Variants in RAG1 observed in about 807,000 individuals in gnomAD.
RAG1 encodes the protein V(D)J recombination-activating protein 1.
A neutral mutation model predicts 62.7 loss-of-function variants in RAG1; 35 were observed. The observed-to-expected ratio is 0.56, with a 90% CI of 0.43 to 0.74. The LOEUF (loss-of-function observed/expected upper bound fraction) is 0.74, where lower values mean the gene tolerates loss of function less well. Among genes scored for constraint, RAG1 ranks in the 30% least tolerant of loss-of-function variants. The pLI is 0.00. For missense variants in RAG1, 1,169 were observed against 1,278.6 expected (o/e 0.91, Z 1.31); for synonymous variants, 461 against 470.3 (o/e 0.98, Z 0.26).
intron 1 of RAG1, among the ~76,000 whole-genome samples, chr11:36,571,542 C>T (rs1356142112): frequency 6.6e-6 from 1 of 152,172 alleles, no homozygotes; most frequent in African/African-American, 2.4e-5. Context: ...CATAGTCCTG[C>T]ATAGGGAACA....
rs750032999 is a variant in RAG1, at chr11:36,573,497, G to A, written c.193G>A (p.Val65Ile). The A allele has an allele frequency of 6.2e-7, 1 of 1,614,210 alleles. No individual in the cohort carries two copies. The highest frequency in any genetic ancestry group is 8.5e-7 in the Non-Finnish European group (1 of 1,180,038). ...GKPSLEQSPAVLDKADGQKPV... is the reference protein window; with the variant it reads ...GKPSLEQSPAILDKADGQKPV... ...ACCCTCTCTGGAGCAATCTCCAGCAGTCCTGGACAAGGCTGATGGTCAGAA... is the reference window on the plus strand; with the variant it reads ...ACCCTCTCTGGAGCAATCTCCAGCAATCCTGGACAAGGCTGATGGTCAGAA... The change falls in exon 2 of 2, where the codon GTC (valine) becomes ATC (isoleucine). Residue 65 changes from valine (V) to isoleucine (I), a missense_variant. Physicochemically the swap from Val to Ile is conservative, Grantham distance 29. Transcript: ENST00000299440.
intron 1 of RAG1, among the ~76,000 whole-genome samples, chr11:36,572,955 G>A (rs1040594350): frequency 3.3e-5 from 5 of 152,108 alleles, no homozygotes; most frequent in African/African-American, 7.2e-5. Context: ...TAACTATTGA[G>A]CACCTAATGT....
Position 36,574,758 on chromosome 11 carries a change from A to G in RAG1, c.1454A>G (p.His485Arg). The change falls in exon 2 of 2, where the codon CAC becomes CGC. Residue 485 changes from histidine to arginine, a missense_variant. By Grantham distance (29) the His-to-Arg change is conservative. This residue lies in a region of RAG1 where 800 missense variants were observed against 943.3 expected (regional missense o/e 0.85). Coordinates refer to ENST00000299440, the MANE Select transcript of RAG1 (RefSeq NM_000448.3). ...VNTFLSCSQY[H>R]KMYRTVKAIT... ...ACCTTCCTCAGCTGCAGTCAGTACCACAAGATGTACAGGACTGTGAAAGCC... is the reference window on the plus strand; with the variant it reads ...ACCTTCCTCAGCTGCAGTCAGTACCGCAAGATGTACAGGACTGTGAAAGCC... 6.2e-7 allele frequency: 1 copy of G among 1,614,234 alleles called. No homozygotes were observed. The highest frequency in any genetic ancestry group is 2.2e-5 in the East Asian group (1 of 44,884).
Position 36,576,493 on chromosome 11 carries a change from T to C in RAG1, c.*57T>C. The C allele has an allele frequency of 6.3e-7, 1 of 1,593,798 alleles. No individual in the cohort carries two copies. The highest frequency in any genetic ancestry group is 8.6e-7 in the Non-Finnish European group (1 of 1,162,642). On this transcript the variant is annotated 3_prime_UTR_variant, in exon 2 of 2. Transcript: ENST00000299440. ...AATTGAGTTTCCCTCTGGGTTGCAT[T>C]GAGGGCTTCTCCTAGCACCCTTTAC... is the stretch of plus-strand genomic sequence containing the variant.
At chr11:36,532,016 A>T (rs1220090224) in intron 2 of RAG1, among the ~76,000 whole-genome samples, 1 of 152,074 alleles carries the variant, frequency 6.6e-6, no homozygotes, top group Non-Finnish European at 1.5e-5. Flanking sequence ...ATCTCTCAGG[A>T]AAGTAATGTG....
upstream of RAG1, among the ~76,000 whole-genome samples, chr11:36,565,313 G>A (rs748450843): frequency 6.6e-6 from 1 of 152,174 alleles, no homozygotes; most frequent in Admixed American, 6.5e-5. Context: ...AATTTGAAAA[G>A]GTCTCTTAAA....
At chr11:36,522,426 G>A (rs1860094536) in intron 2 of RAG1, among the ~76,000 whole-genome samples, 1 of 152,240 alleles carries the variant, frequency 6.6e-6, no homozygotes, top group South Asian at 2.1e-4. Flanking sequence ...GTGCCCAGAA[G>A]TCAAGAATTG....
Position 36,575,145 on chromosome 11 carries a change from G to A in RAG1, c.1841G>A (p.Ser614Asn), listed in dbSNP as rs1470364709. 3.7e-6 allele frequency: 6 copies of A among 1,614,058 alleles called. No individual in the cohort carries two copies. Among genetic ancestry groups the A allele is most frequent in the Non-Finnish European group, 2.5e-6 (3 of 1,180,032 alleles). Reference protein sequence around the residue: ...GMGDVSEKHGSGPVVPEKAVR... With the variant: ...GMGDVSEKHGNGPVVPEKAVR... ...GGAGACGTGAGTGAGAAGCATGGGAGTGGGCCTGTAGTTCCAGAAAAGGCA... is the reference window on the plus strand; with the variant it reads ...GGAGACGTGAGTGAGAAGCATGGGAATGGGCCTGTAGTTCCAGAAAAGGCA... The change falls in exon 2 of 2, where the codon AGT (serine) becomes AAT (asparagine). Residue 614 changes from serine to asparagine, a missense_variant. Transcript: ENST00000299440. The surrounding 1 kb of genome is among the most constrained non-coding windows in gnomAD (Gnocchi z 4.1).
chr11:36,535,654 G>T (rs919795590), intron 2 of RAG1, among the ~76,000 whole-genome samples: 1 of 152,110 alleles, frequency 6.6e-6, no homozygotes, highest in African/African-American at 2.4e-5. Context: ...TGAGGCAGAA[G>T]AATTCACTTG....
chr11:36,518,440 A>G (rs1357600133), intron 1 of RAG1, among the ~76,000 whole-genome samples: 4 of 152,218 alleles, frequency 2.6e-5, no homozygotes, highest in Non-Finnish European at 5.9e-5. Flanking sequence ...TAGTTGAACT[A>G]GTTTACATTC....
At chr11:36,525,953 A>C (rs1197752131) in intron 2 of RAG1, among the ~76,000 whole-genome samples, 2 of 152,186 alleles carry the variant, frequency 1.3e-5, no homozygotes, top group Non-Finnish European at 2.9e-5. Context: ...GAACACTGTA[A>C]TTGTGACTTT....
At chr11:36,568,616 A>G (rs970107295) in intron 1 of RAG1, among the ~76,000 whole-genome samples, 21 of 152,230 alleles carry the variant, frequency 1.4e-4, no homozygotes, top group African/African-American at 5.1e-4. Flanking sequence ...ATGTTTAAAA[A>G]TGCAATTTCT....
chr11:36,536,331 G>C (rs1385795534), downstream of RAG1, among the ~76,000 whole-genome samples: 1 of 152,100 alleles, frequency 6.6e-6, no homozygotes, highest in Non-Finnish European at 1.5e-5. Context: ...CAACAAATGG[G>C]CTGGATCTTA....
chr11:36,569,359 C>T (rs969831752), intron 1 of RAG1, among the ~76,000 whole-genome samples: 6 of 152,160 alleles, frequency 3.9e-5, no homozygotes, highest in Non-Finnish European at 5.9e-5. Context: ...TTTGAGATCC[C>T]GAGGCTGGTC....
intron 3 of RAG1, among the ~76,000 whole-genome samples, chr11:36,548,993 G>C (rs192853082): frequency 2.0e-5 from 3 of 152,218 alleles, no homozygotes; most frequent in Non-Finnish European, 4.4e-5. Flanking sequence ...TCTGATCTTT[G>C]ACAAACCTGA....
At chr11:36,549,091 C>T (rs367992440) in intron 3 of RAG1, among the ~76,000 whole-genome samples, 20 of 152,208 alleles carry the variant, frequency 1.3e-4, no homozygotes, top group African/African-American at 4.3e-4. Context: ...TGAAACTGGA[C>T]CCCTTCCTTA....
rs763838960 is a variant in RAG1, at chr11:36,575,793, A to C, written c.2489A>C (p.Lys830Thr). Residue 830 changes from lysine to threonine, a missense_variant, in exon 2 of 2, where the codon AAA becomes ACA. Coordinates refer to ENST00000299440, the MANE Select transcript of RAG1 (RefSeq NM_000448.3). This position sits in a 1 kb window ranked among gnomAD's most constrained non-coding sequence, Gnocchi z 4.1. Reference protein sequence around the residue: ...KNPNASKEERKRWQATLDKHL... With the variant: ...KNPNASKEERTRWQATLDKHL... ...CCCAATGCTTCCAAAGAGGAAAGGA[A>C]AAGGTGGCAGGCCACACTGGACAAG... 11 of 1,614,128 alleles carry C rather than the reference A, an allele frequency of 6.8e-6. No individual in the cohort carries two copies. Among genetic ancestry groups the C allele is most frequent in the Non-Finnish European group, 9.3e-6 (11 of 1,180,048 alleles).
rs751463975 is a variant in RAG1, at chr11:36,574,225, C to T, written c.921C>T (p.Asn307=). ...EHILADPVET[N]CKHVFCRVCI... ...TTCTGGCTGACCCTGTGGAGACCAA[C>T]TGTAAGCATGTCTTTTGCCGGGTCT... The change falls in exon 2 of 2, where the codon AAC becomes AAT. Residue 307 remains asparagine (N), a synonymous_variant. Coordinates refer to ENST00000299440, the MANE Select transcript of RAG1 (RefSeq NM_000448.3). The T allele has an allele frequency of 6.2e-7, 1 of 1,614,208 alleles. No individual in the cohort carries two copies. Among genetic ancestry groups the T allele is most frequent in the Non-Finnish European group, 8.5e-7 (1 of 1,180,038 alleles).
chr11:36,521,238 C>G (rs922742916), intron 2 of RAG1, among the ~76,000 whole-genome samples: 2 of 152,104 alleles, frequency 1.3e-5, no homozygotes, highest in Non-Finnish European at 2.9e-5. Flanking sequence ...GGATTACAGG[C>G]TTGAGCCACT....
Sources: gnomAD v4.1 joint callset for allele counts (sites outside exome capture counted in the v4.1 genomes callset) on GRCh38, gnomAD v4.1.1 for gene constraint, gnomAD v4.1.1 regional missense constraint, Gnocchi (gnomAD v3.1) non-coding constraint, MANE v1.5 for transcripts, NCBI Gene and HGNC (gene_info 2026-07-23, HGNC 2026-07-21) for gene names.